Variants in NIBAN3 observed in about 807,000 individuals in gnomAD.
NIBAN3 encodes the protein protein Niban 3.
A neutral mutation model predicts 76.4 loss-of-function variants in NIBAN3; 66 were observed. The ratio of observed to expected loss-of-function variants is 0.86; its 90% confidence interval spans 0.71 to 1.06. The LOEUF (loss-of-function observed/expected upper bound fraction) is 1.06, where lower values mean the gene tolerates loss of function less well. Among genes scored for constraint, NIBAN3 ranks in the 50% least tolerant of loss-of-function variants. NIBAN3 has a pLI of 0.00. For missense variants in NIBAN3, 808 were observed against 810.7 expected (o/e 1.00, Z 0.04); for synonymous variants, 360 against 355.2 (o/e 1.01, Z -0.15).
intron 12 of NIBAN3, 190 bp from the exon 13 acceptor site, chr19:17,546,496 T>G: frequency 9.1e-7 from 1 of 1,093,616 alleles, no homozygotes; most frequent in Non-Finnish European, 1.1e-6. Flanking sequence ...ATTACAGGCA[T>G]GAGCCACCGC....
At chr19:17,537,270 T>A (rs1483071325) in intron 4 of NIBAN3, 106 bp from the exon 5 acceptor site, 1 of 1,140,190 alleles carries the variant, frequency 8.8e-7, no homozygotes, top group African/African-American at 1.5e-5. Flanking sequence ...GTATGACTCA[T>A]ATTTATCGAG....
chr19:17,532,363 G>A lies in NIBAN3; in HGVS notation c.287G>A (p.Arg96His), dbSNP rs1351116694. 16 of 1,614,162 alleles carry A rather than the reference G, an allele frequency of 9.9e-6. No individual in the cohort carries two copies. The highest frequency in any genetic ancestry group is 1.2e-5 in the Non-Finnish European group (14 of 1,180,032). The stretch of plus-strand genomic sequence containing the variant: ...TTCTGTGTTCTGCGTGGGGACGGCC[G>A]CCTAGAGTGGTTCAGCCACAAGGAG... ...PIFCVLRGDG[R>H]LEWFSHKEEY... The change falls in exon 3 of 15, where the codon CGC becomes CAC. Residue 96 changes from arginine (R) to histidine (H), a missense_variant. By Grantham distance (29) the Arg-to-His change is conservative (BLOSUM62 0). Transcript: ENST00000599164.
At chr19:17,527,542 C>CT in intron 1 of NIBAN3, 147 bp downstream of exon 1, 3 of 873,726 alleles carry the variant, frequency 3.4e-6, no homozygotes, top group Non-Finnish European at 5.0e-6. Flanking sequence ...GTAAATTTCA[C>CT]GCAGTGAATC....
chr19:17,544,492 G>A (rs1039996516), intron 12 of NIBAN3, among the ~76,000 whole-genome samples: 1 of 152,212 alleles, frequency 6.6e-6, no homozygotes, highest in African/African-American at 2.4e-5. Context: ...ATGGAGAGTG[G>A]GTAAGGGTTG....
intron 12 of NIBAN3, chr19:17,545,968 T>G: frequency 2.3e-6 from 1 of 443,228 alleles, no homozygotes. Flanking sequence ...TGTTTTTCCT[T>G]GACACTTTTC....
Position 17,533,623 on chromosome 19 carries a change from G to C in NIBAN3, c.349G>C (p.Ala117Pro). ...ENGGHCLGST[A>P]LTGYTLLTSQ... ...CGGGGGCCACTGCCTTGGCTCAACA[G>C]CCCTGACAGGATACACGCTCCTGAC... The change falls in exon 4 of 15, where the codon GCC (alanine) becomes CCC (proline). Residue 117 changes from alanine (A) to proline (P), a missense_variant. Ala to Pro is a conservative substitution (Grantham distance 27). Transcript: ENST00000599164. The C allele has an allele frequency of 6.2e-7, 1 of 1,614,124 alleles. No individual in the cohort carries two copies. The highest frequency in any genetic ancestry group is 8.5e-7 in the Non-Finnish European group (1 of 1,180,026).
At chr19:17,532,522 ATG>A (rs1477774799) in intron 3 of NIBAN3, 134 bp downstream of exon 3, 78 of 1,427,436 alleles carry the variant, frequency 5.5e-5, no homozygotes, top group Non-Finnish European at 6.9e-5. Context: ...TTGTGCCCCT[ATG>A]TGTTTGGCCT....
chr19:17,528,170 C>A (rs1479356405), intron 1 of NIBAN3, among the ~76,000 whole-genome samples: 2 of 152,074 alleles, frequency 1.3e-5, no homozygotes, highest in Non-Finnish European at 2.9e-5. Flanking sequence ...TGGCTCACTG[C>A]AACCTCCGCC....
chr19:17,552,081 T>A lies in NIBAN3; in HGVS notation c.*183T>A, dbSNP rs1483608466. ...TTCCCCAAGGCTTTCTTTATTTTAA[T>A]TTTTTTTTTTTTTTTGAGACTGAGT... On this transcript the variant is annotated 3_prime_UTR_variant, in exon 15 of 15. Coordinates refer to ENST00000599164, the MANE Select transcript of NIBAN3 (RefSeq NM_001321827.2). 7.7e-6 allele frequency: 1 copy of A among 129,096 alleles called. No individual in the cohort carries two copies. The highest frequency in any genetic ancestry group is 1.4e-5 in the Non-Finnish European group (1 of 72,964). The allele number at this position is 129,096 out of a possible 1,614,324, so 8.0% of individuals were successfully genotyped here.
chr19:17,546,414 A>G (rs2036409593), intron 12 of NIBAN3: 1 of 338,164 alleles, frequency 3.0e-6, no homozygotes, highest in Middle Eastern at 1.4e-3. Flanking sequence ...CGGTGGTTTC[A>G]CCATGTTGGT....
intron 3 of NIBAN3, 141 bp downstream of exon 3, chr19:17,532,529 TG>T: frequency 7.2e-7 from 1 of 1,387,740 alleles, no homozygotes; most frequent in South Asian, 1.2e-5. Context: ...CCTATGTGTT[TG>T]GCCTGTTGTA....
chr19:17,554,020 C>T (rs1459196961), downstream of NIBAN3, among the ~76,000 whole-genome samples: 5 of 151,808 alleles, frequency 3.3e-5, no homozygotes, highest in Non-Finnish European at 7.4e-5. Flanking sequence ...ACAGGCGAAG[C>T]GCCACCATGA....
chr19:17,540,989 G>T (rs540619931), intron 9 of NIBAN3, among the ~76,000 whole-genome samples: 4 of 152,264 alleles, frequency 2.6e-5, no homozygotes, highest in Non-Finnish European at 5.9e-5. Flanking sequence ...GCCTGCATTG[G>T]CCTCCCAAAG....
At chr19:17,540,313 C>G in intron 8 of NIBAN3, 79 bp from the exon 9 acceptor site, 1 of 1,087,132 alleles carries the variant, frequency 9.2e-7, no homozygotes, top group Non-Finnish European at 1.2e-6. Flanking sequence ...CTCGCGTCCC[C>G]CTCGCGAGGG....
At chr19:17,547,350 C>CTTTTTTTTTTT (rs1161818189) in intron 13 of NIBAN3, among the ~76,000 whole-genome samples, 4 of 62,700 alleles carry the variant, frequency 6.4e-5, no homozygotes, top group Non-Finnish European at 1.1e-4. Context: ...GAGACTATGT[C>CTTTTTTTTTTT]TTTTTTTTTT....
At chr19:17,538,463 G>T (rs2075865909) in intron 5 of NIBAN3, among the ~76,000 whole-genome samples, 1 of 150,108 alleles carries the variant, frequency 6.7e-6, no homozygotes, top group African/African-American at 2.5e-5. Context: ...TGAAGAAGGG[G>T]AATAGGTCAG....
rs10401716 is a variant in NIBAN3 at position 17,543,611 on chromosome 19, C to T, written c.1534C>T (p.Leu512Phe). The T allele has an allele frequency of 6.1e-4, 979 of 1,613,700 alleles. 3 individuals carry two copies. The African/African-American group carries it at 0.011, about 18-fold the overall frequency. The part of the protein sequence containing the change: ...CIFLPFVLSQ[L>F]EPGCKKELPE... ...CTTTTTACCTTTTGTGCTGAGCCAACTCGAGCCAGGCTGCAAAAAGGTGAG... is the reference window on the plus strand; with the variant it reads ...CTTTTTACCTTTTGTGCTGAGCCAATTCGAGCCAGGCTGCAAAAAGGTGAG... Residue 512 changes from leucine (L) to phenylalanine (F), a missense_variant, in exon 12 of 15, where the codon CTC (leucine) becomes TTC (phenylalanine). By Grantham distance (22) the Leu-to-Phe change is conservative (BLOSUM62 0). Transcript: ENST00000599164.
intron 14 of NIBAN3, chr19:17,549,930 C>CCT: frequency 2.7e-6 from 1 of 370,572 alleles, no homozygotes; most frequent in Non-Finnish European, 4.8e-6. Flanking sequence ...GAATCTCCTG[C>CCT]CTCAGCCTCC....
In NIBAN3 at chr19:17,532,399, G is replaced by A. The variant is rs533125143; in HGVS notation, c.312+11G>A. ...TTCAGCCACAAGGAGGTGCGTGATT[G>A]GCACGTGGCCTTTCTACTTCTGGGT... On this transcript the variant is annotated intron_variant, in intron 3 of 14. Transcript: ENST00000599164. 2 of 1,614,180 alleles carry A rather than the reference G, an allele frequency of 1.2e-6. No homozygotes were observed. Among genetic ancestry groups the A allele is most frequent in the South Asian group, 1.1e-5 (1 of 91,088 alleles).
Sources: allele counts gnomAD v4.1 joint callset (sites outside exome capture counted in the v4.1 genomes callset), GRCh38; gene constraint gnomAD v4.1.1; transcripts MANE v1.5; gene names NCBI Gene and HGNC (gene_info 2026-07-23, HGNC 2026-07-21).